Variants in CRIM1 observed in about 807,000 individuals in gnomAD.
CRIM1 encodes the protein cysteine-rich motor neuron 1 protein.
CRIM1 carries 32 observed loss-of-function variants against 116.4 expected under a neutral mutation model. That is an observed-to-expected ratio of 0.27 (90% confidence interval 0.21 to 0.37). CRIM1 has a LOEUF of 0.37. Among genes scored for constraint, CRIM1 ranks in the 10% least tolerant of loss-of-function variants. CRIM1 has a pLI of 1.00. For missense variants in CRIM1, 1,331 were observed against 1,354.8 expected (o/e 0.98, Z 0.28); for synonymous variants, 590 against 509.2 (o/e 1.16, Z -2.13).
At chr2:36,527,848 G>A (rs1002530128) in intron 13 of CRIM1, among the ~76,000 whole-genome samples, 1 of 151,984 alleles carries the variant, frequency 6.6e-6, no homozygotes. Context: ...ATTTTTCACC[G>A]CTGCTTCTCC....
chr2:36,422,931 A>G (rs1674179561), intron 2 of CRIM1, among the ~76,000 whole-genome samples: 1 of 152,230 alleles, frequency 6.6e-6, no homozygotes, highest in African/African-American at 2.4e-5. Context: ...GGTTACAGAA[A>G]TACTGCAGTG....
intron 2 of CRIM1, among the ~76,000 whole-genome samples, chr2:36,419,739 T>C (rs2124851750): frequency 6.6e-6 from 1 of 152,312 alleles, no homozygotes; most frequent in East Asian, 1.9e-4. Context: ...GATCTCAAAA[T>C]GAGAAGTGCA....
chr2:36,495,446 C>T (rs1680511285), intron 7 of CRIM1, among the ~76,000 whole-genome samples: 1 of 151,186 alleles, frequency 6.6e-6, no homozygotes, highest in South Asian at 2.1e-4. Context: ...TTTGCTCACA[C>T]TCCCTCAAGC....
intron 4 of CRIM1, among the ~76,000 whole-genome samples, chr2:36,460,282 C>T (rs1184310128): frequency 6.6e-6 from 1 of 152,128 alleles, no homozygotes; most frequent in Non-Finnish European, 1.5e-5. Flanking sequence ...GTTAAAAAGC[C>T]CTTAGCCCAC....
chr2:36,486,444 C>T (rs548474887), intron 7 of CRIM1, among the ~76,000 whole-genome samples: 9 of 152,002 alleles, frequency 5.9e-5, no homozygotes, highest in Non-Finnish European at 1.0e-4. Flanking sequence ...CCAAGTTTTA[C>T]GAGTAAAAAT....
chr2:36,384,862 A>C (rs1671056451), intron 1 of CRIM1, among the ~76,000 whole-genome samples: 1 of 152,242 alleles, frequency 6.6e-6, no homozygotes, highest in Non-Finnish European at 1.5e-5. Context: ...CCACCTAAAC[A>C]TACACTAACC....
intron 13 of CRIM1, among the ~76,000 whole-genome samples, chr2:36,528,648 T>C (rs1349104563): frequency 6.6e-6 from 1 of 152,166 alleles, no homozygotes; most frequent in African/African-American, 2.4e-5. Context: ...TGTCAGTTAC[T>C]GTGGACCTAC....
intron 2 of CRIM1, among the ~76,000 whole-genome samples, chr2:36,435,626 T>A (rs747874735): frequency 1.2e-4 from 18 of 151,864 alleles, no homozygotes; most frequent in Non-Finnish European, 2.5e-4. Flanking sequence ...AATCGCAGTT[T>A]TTGTCATTAC....
chr2:36,523,064 C>T (rs1665520491), intron 13 of CRIM1, among the ~76,000 whole-genome samples: 1 of 150,980 alleles, frequency 6.6e-6, no homozygotes, highest in African/African-American at 2.4e-5. Context: ...AAGTAATTCT[C>T]CTGCCTCAGC....
intron 13 of CRIM1, chr2:36,531,755 G>A: frequency 2.8e-6 from 1 of 360,588 alleles, no homozygotes; most frequent in East Asian, 8.0e-5. Flanking sequence ...CAGAATTGAG[G>A]GAAAATAGGC....
chr2:36,423,413 G>A (rs1019900501), intron 2 of CRIM1, among the ~76,000 whole-genome samples: 1 of 152,200 alleles, frequency 6.6e-6, no homozygotes, highest in Non-Finnish European at 1.5e-5. Flanking sequence ...AGCTACTCAA[G>A]TACCGTATCC....
Position 36,549,919 on chromosome 2 carries a change from A to C in CRIM1, c.*1218A>C, listed in dbSNP as rs1355654705. The C allele has an allele frequency of 6.6e-6, 1 of 152,496 alleles. No individual in the cohort carries two copies. Among genetic ancestry groups the C allele is most frequent in the African/African-American group, 2.4e-5 (1 of 41,430 alleles). The allele number at this position is 152,496 out of a possible 1,614,324, so 9.4% of individuals were successfully genotyped here. On this transcript the variant is annotated 3_prime_UTR_variant, in exon 17 of 17. Coordinates refer to ENST00000280527, the MANE Select transcript of CRIM1 (RefSeq NM_016441.3). ...TGTATTTTTATGAGATTTTAACCAG[A>C]ACAAAGGCAGATAAACAGGCATTCC...
intron 14 of CRIM1, among the ~76,000 whole-genome samples, chr2:36,539,997 C>T (rs989540360): frequency 7.9e-5 from 12 of 151,972 alleles, no homozygotes; most frequent in African/African-American, 2.9e-4. Context: ...AGCGCAGGAC[C>T]GAGCCCTGAG....
chr2:36,500,607 T>G (rs1680917875), intron 8 of CRIM1, among the ~76,000 whole-genome samples: 1 of 152,198 alleles, frequency 6.6e-6, no homozygotes, highest in Non-Finnish European at 1.5e-5. Context: ...GTTGGGATAT[T>G]TTTGAATCTC....
At chr2:36,478,369 G>A (rs1325819648) in intron 6 of CRIM1, among the ~76,000 whole-genome samples, 1 of 152,168 alleles carries the variant, frequency 6.6e-6, no homozygotes, top group East Asian at 1.9e-4. Context: ...TGCAGCAGTT[G>A]ATGCTGTAAA....
chr2:36,377,194 A>G (rs1054445783), intron 1 of CRIM1, among the ~76,000 whole-genome samples: 1 of 151,844 alleles, frequency 6.6e-6, no homozygotes. Context: ...CGCTGGTCTC[A>G]CTCCAGTGCT....
Position 36,356,697 on chromosome 2 carries a change from G to A in CRIM1, c.331+74G>A, listed in dbSNP as rs1668833660. 7.0e-7 allele frequency: 1 copy of A among 1,433,818 alleles called. No individual in the cohort carries two copies. The highest frequency in any genetic ancestry group is 9.4e-7 in the Non-Finnish European group (1 of 1,064,250). The allele number at this position is 1,433,818 out of a possible 1,614,324, so 88.8% of individuals were successfully genotyped here. On this transcript the variant is annotated intron_variant, in intron 1 of 16. Transcript: ENST00000280527. This position sits in a 1 kb window ranked among gnomAD's most constrained non-coding sequence, Gnocchi z 4.3. ...CTCGGCGCTGGTTGTGCCGAACAAA[G>A]TTTGGGCGAGACTTTCTGGAGGAAA...
intron 8 of CRIM1, among the ~76,000 whole-genome samples, chr2:36,500,262 G>A (rs903115792): frequency 2.6e-5 from 4 of 152,144 alleles, no homozygotes; most frequent in South Asian, 2.1e-4. Context: ...GCCTGGTGGG[G>A]CAAAGGTCAC....
chr2:36,432,606 T>C (rs1377758335), intron 2 of CRIM1, among the ~76,000 whole-genome samples: 2 of 152,118 alleles, frequency 1.3e-5, no homozygotes, highest in Non-Finnish European at 2.9e-5. Context: ...CACTCTGAAC[T>C]TTTTTCCTTC....
Sources: gnomAD v4.1 joint callset for allele counts (sites outside exome capture counted in the v4.1 genomes callset) on GRCh38, gnomAD v4.1.1 for gene constraint, Gnocchi (gnomAD v3.1) non-coding constraint, MANE v1.5 for transcripts, NCBI Gene and HGNC (gene_info 2026-07-23, HGNC 2026-07-21) for gene names.